Variants in KATNAL1 observed in about 807,000 individuals in gnomAD.
KATNAL1 encodes katanin catalytic subunit A1 like 1.
KATNAL1 carries 32 observed loss-of-function variants against 55.2 expected under a neutral mutation model. The observed-to-expected ratio is 0.58, with a 90% CI of 0.44 to 0.78. The LOEUF is 0.78. KATNAL1 is among the 30% of genes least tolerant of loss of function. The probability of loss-of-function intolerance (pLI) is 0.00; values close to 1 mark genes in which losing one functional copy is unlikely to be tolerated. For synonymous variants in KATNAL1, 193 were observed against 193.6 expected (o/e 1.00, Z 0.02); for missense variants, 466 against 600.9 (o/e 0.78, Z 2.35).
chr13:30,268,947 T>C (rs1879994307), intron 3 of KATNAL1, among the ~76,000 whole-genome samples: 1 of 152,170 alleles, frequency 6.6e-6, no homozygotes, highest in African/African-American at 2.4e-5. Flanking sequence ...GCCCTGACCT[T>C]ACAAAGCTTA....
intron 3 of KATNAL1, among the ~76,000 whole-genome samples, chr13:30,272,497 C>T (rs1040194509): frequency 6.6e-6 from 1 of 152,140 alleles, no homozygotes; most frequent in African/African-American, 2.4e-5. Flanking sequence ...AGATGACAAT[C>T]ACTAACATGC....
chr13:30,302,013 G>A lies in KATNAL1; in HGVS notation c.-15+5318C>T, dbSNP rs139318525. The stretch of plus-strand genomic sequence containing the variant: ...CAGCCTCCTGAGTAGCTGGGACCAC[G>A]GGTGTGCGCAGCCACGCCTGGCTAA... On this transcript the variant is annotated intron_variant, in intron 1 of 10. Transcript: ENST00000380615. Among the ~76,000 whole-genome samples, 470 of 152,184 alleles carry A rather than the reference G, an allele frequency of 3.1e-3. 5 individuals carry two copies. Among genetic ancestry groups the A allele is most frequent in the African/African-American group, 0.01 (431 of 41,530 alleles).
intron 3 of KATNAL1, among the ~76,000 whole-genome samples, chr13:30,264,542 C>T (rs2137486684): frequency 6.6e-6 from 1 of 151,120 alleles, no homozygotes; most frequent in African/African-American, 2.4e-5. Context: ...AACAAACAAC[C>T]CCATCAAAAA....
chr13:30,276,516 C>CAAAAAAAAAAAAAAAA, intron 3 of KATNAL1, among the ~76,000 whole-genome samples: 1 of 99,106 alleles, frequency 1.0e-5, no homozygotes, highest in African/African-American at 4.0e-5. Context: ...TGAGAGATGG[C>CAAAAAAAAAAAAAAAA]AAAAAAAAAA....
Position 30,293,864 on chromosome 13 carries a change from T to C in KATNAL1, c.-14-10073A>G, listed in dbSNP as rs140155258. ...ATTTTTCTAACAGCATGTGCTCACT[T>C]TGTGTCTCTATGTCACATTTTGGTA... On this transcript the variant is annotated intron_variant, in intron 1 of 10. Coordinates refer to ENST00000380615, the MANE Select transcript of KATNAL1 (RefSeq NM_032116.5). Among the ~76,000 whole-genome samples the C allele has an allele frequency of 2.0e-3, 302 of 152,354 alleles. 2 individuals are homozygous for C. The highest frequency in any genetic ancestry group is 6.7e-3 in the African/African-American group (278 of 41,572).
chr13:30,252,566 T>C lies in KATNAL1; in HGVS notation c.492+2881A>G, dbSNP rs375620350. On this transcript the variant is annotated intron_variant, in intron 4 of 10. Transcript: ENST00000380615. ...ACATAAACATATGAATAAATTTGTA[T>C]ATATTTTTATCAAAATAATACTGTA... Among the ~76,000 whole-genome samples the C allele has an allele frequency of 8.1e-4, 124 of 152,314 alleles. 6 individuals carry two copies. The South Asian group carries it at 0.024, about 30-fold the overall frequency.
chr13:30,210,568 C>A, intron 9 of KATNAL1, 126 bp from the exon 10 acceptor site: 1 of 557,268 alleles, frequency 1.8e-6, no homozygotes, highest in Non-Finnish European at 2.9e-6. Context: ...ACTGTGTGTC[C>A]ATTAGTATTA....
In KATNAL1 at chr13:30,255,468, T is replaced by C; in HGVS notation, c.471A>G (p.Arg157=). The part of the protein sequence containing the change: ...KPSTSRDKDY[R]ARGRDDKGRK... The stretch of plus-strand genomic sequence containing the variant: ...TTGCCTTGTCATCTCTCCCTCTTGC[T>C]CTATAGTCCTTGTCCCTACTTGTAG... Residue 157 remains arginine, a synonymous_variant, in exon 4 of 11, where the codon AGA becomes AGG. Transcript: ENST00000380615. 2 of 1,568,604 alleles carry C rather than the reference T, an allele frequency of 1.3e-6. No homozygotes were observed. Among genetic ancestry groups the C allele is most frequent in the Non-Finnish European group, 1.7e-6 (2 of 1,157,570 alleles).
intron 4 of KATNAL1, among the ~76,000 whole-genome samples, chr13:30,242,034 C>T (rs1877331123): frequency 6.6e-6 from 1 of 152,136 alleles, no homozygotes; most frequent in Non-Finnish European, 1.5e-5. Context: ...AAATTTTTGG[C>T]ACCTACACAA....
At chr13:30,241,818 G>A (rs907375958) in intron 4 of KATNAL1, among the ~76,000 whole-genome samples, 2 of 152,154 alleles carry the variant, frequency 1.3e-5, no homozygotes, top group Non-Finnish European at 2.9e-5. Context: ...CATAAGTGCT[G>A]GAGGAAACTA....
chr13:30,255,638 AATT>A (rs369153495), intron 3 of KATNAL1, 23 bp from the exon 4 acceptor site: 2 of 1,241,636 alleles, frequency 1.6e-6, no homozygotes, highest in Non-Finnish European at 2.1e-6. Flanking sequence ...AAAAAAAAAA[AATT>A]AAAATTAAAA....
At chr13:30,248,239 T>G (rs1209811809) in intron 4 of KATNAL1, among the ~76,000 whole-genome samples, 1 of 152,202 alleles carries the variant, frequency 6.6e-6, no homozygotes, top group African/African-American at 2.4e-5. Flanking sequence ...TGTCAAAGAC[T>G]AAGCTGACAT....
chr13:30,301,226 G>A (rs930344012), intron 1 of KATNAL1, among the ~76,000 whole-genome samples: 5 of 152,024 alleles, frequency 3.3e-5, no homozygotes, highest in East Asian at 1.9e-4. Context: ...AAAAATTAGC[G>A]GGGCGTGGTA....
chr13:30,223,303 A>G (rs532125683), intron 9 of KATNAL1, among the ~76,000 whole-genome samples: 32 of 150,988 alleles, frequency 2.1e-4, no homozygotes, highest in Admixed American at 8.6e-4. Flanking sequence ...TTAGCCGGGA[A>G]TGGTGGCAGG....
chr13:30,249,403 T>C (rs941057725), intron 4 of KATNAL1, among the ~76,000 whole-genome samples: 4 of 152,178 alleles, frequency 2.6e-5, no homozygotes, highest in African/African-American at 7.2e-5. Context: ...CCTAGGTATA[T>C]GCTCACTAGA....
chr13:30,291,224 A>G (rs1233299973), intron 1 of KATNAL1, among the ~76,000 whole-genome samples: 1 of 152,232 alleles, frequency 6.6e-6, no homozygotes, highest in Non-Finnish European at 1.5e-5. Flanking sequence ...CAGAACTAAT[A>G]AACGAGTTGT....
chr13:30,274,905 G>GCGCGCGCGCGCA (rs1880698734), intron 3 of KATNAL1, among the ~76,000 whole-genome samples: 3 of 84,310 alleles, frequency 3.6e-5, no homozygotes, highest in East Asian at 6.3e-4. Flanking sequence ...GCGCGCGCGC[G>GCGCGCGCGCGCA]CGCACACACA....
intron 9 of KATNAL1, among the ~76,000 whole-genome samples, chr13:30,226,575 T>C (rs1381646392): frequency 1.3e-5 from 2 of 152,162 alleles, no homozygotes; most frequent in African/African-American, 2.4e-5. Context: ...TGAATGCCTA[T>C]TGGAGGATTA....
intron 4 of KATNAL1, among the ~76,000 whole-genome samples, chr13:30,251,139 C>CAA (rs34899786): frequency 0.026 from 2,260 of 85,660 alleles, 66 homozygotes; most frequent in African/African-American, 0.047. Context: ...GACTCTGCCT[C>CAA]AAAAAAAAAA....
Sources: gnomAD v4.1 joint callset for allele counts (sites outside exome capture counted in the v4.1 genomes callset) on GRCh38, gnomAD v4.1.1 for gene constraint, MANE v1.5 for transcripts, NCBI Gene and HGNC (gene_info 2026-07-23, HGNC 2026-07-21) for gene names.